TRAF3: variants seen among roughly 807,000 people sequenced by gnomAD.
The protein encoded by TRAF3 is TNF receptor-associated factor 3.
Under a neutral mutation model 62.3 loss-of-function variants are expected in TRAF3, and 13 were observed. That is an observed-to-expected ratio of 0.21 (90% CI 0.14 to 0.33). The LOEUF (loss-of-function observed/expected upper bound fraction) is 0.33. Ranked by LOEUF, TRAF3 falls within the 10% of genes least tolerant of loss-of-function variation. TRAF3 has a pLI of 1.00. For missense variants in TRAF3, 440 were observed against 741.8 expected, an observed-to-expected ratio of 0.59 and a Z score of 4.73; for synonymous variants, 269 against 283.4, an observed-to-expected ratio of 0.95 and a Z score of 0.51.
chr14:102,781,426 G>T (rs1300306991), intron 1 of TRAF3, among the ~76,000 whole-genome samples: 2 of 152,152 alleles, frequency 1.3e-5, no homozygotes, highest in South Asian at 2.1e-4. Context: ...AACCTGGGTG[G>T]CACCACTTTG....
chr14:102,842,010 T>G (rs1413263365), intron 2 of TRAF3, among the ~76,000 whole-genome samples: 1 of 152,048 alleles, frequency 6.6e-6, no homozygotes, highest in Admixed American at 6.6e-5. Flanking sequence ...TTTGGGAGGC[T>G]GAGGTGGGCA....
chr14:102,845,479 A>G (rs1042547147), intron 2 of TRAF3, among the ~76,000 whole-genome samples: 3 of 151,122 alleles, frequency 2.0e-5, no homozygotes, highest in Non-Finnish European at 2.9e-5. Context: ...CTGAGATTAC[A>G]GGCATGAGCA....
chr14:102,868,227 G>A (rs566510764), intron 2 of TRAF3, among the ~76,000 whole-genome samples: 4 of 152,340 alleles, frequency 2.6e-5, no homozygotes, highest in Admixed American at 1.3e-4. Flanking sequence ...GAGGCTTACC[G>A]TATCGTGAGA....
intron 9 of TRAF3, among the ~76,000 whole-genome samples, chr14:102,894,843 G>A (rs1889917512): frequency 6.6e-6 from 1 of 152,092 alleles, no homozygotes; most frequent in Admixed American, 6.6e-5. Flanking sequence ...GACTGTAGGC[G>A]TTTGCACCAC....
chr14:102,847,370 T>G (rs545615008), intron 2 of TRAF3, among the ~76,000 whole-genome samples: 7 of 152,244 alleles, frequency 4.6e-5, no homozygotes, highest in Non-Finnish European at 1.0e-4. Flanking sequence ...AGATGGCGTT[T>G]TACCATATTG....
chr14:102,801,035 G>A (rs1380480007), intron 1 of TRAF3, among the ~76,000 whole-genome samples: 3 of 152,068 alleles, frequency 2.0e-5, no homozygotes, highest in South Asian at 2.1e-4. Flanking sequence ...GCGCAGTGGC[G>A]GGCGCCTGTA....
At chr14:102,881,007 C>T (rs1304943731) in intron 6 of TRAF3, among the ~76,000 whole-genome samples, 6 of 152,096 alleles carry the variant, frequency 3.9e-5, no homozygotes, top group African/African-American at 7.2e-5. Context: ...GCAGGAGAAT[C>T]GCTTGAACTC....
At chr14:102,894,014 T>C (rs183302691) in intron 9 of TRAF3, among the ~76,000 whole-genome samples, 44 of 152,322 alleles carry the variant, frequency 2.9e-4, no homozygotes, top group African/African-American at 9.6e-4. Flanking sequence ...GAAAATAGAA[T>C]GTTTGAGCGG....
At chr14:102,890,879 T>C (rs1256719974) in intron 8 of TRAF3, among the ~76,000 whole-genome samples, 1 of 152,234 alleles carries the variant, frequency 6.6e-6, no homozygotes, top group Non-Finnish European at 1.5e-5. Context: ...CCTGCTTTGC[T>C]TACGTGTTTA....
chr14:102,908,860 GGT>G lies in TRAF3; in HGVS notation c.*3077_*3078del, dbSNP rs2140024694. The G allele has an allele frequency of 6.6e-6, 1 of 152,394 alleles. No individual in the cohort carries two copies. The allele number at this position is 152,394 out of a possible 1,614,324, so 9.4% of individuals were successfully genotyped here. On this transcript the variant is annotated 3_prime_UTR_variant, in exon 12 of 12. Transcript: ENST00000392745. ...GCTGCTCCCTGCTGCCAGGCACGCT[GGT>G]TGGCTGGCCTGGGCCCGGCTCACGT...
At chr14:102,788,445 T>C (rs1463179533) in intron 1 of TRAF3, among the ~76,000 whole-genome samples, 5 of 151,940 alleles carry the variant, frequency 3.3e-5, no homozygotes, top group African/African-American at 1.2e-4. Flanking sequence ...GAGGATCACT[T>C]GAGTCCAGTA....
At position 102,849,882 on chromosome 14, in the gene TRAF3, C is replaced by T. The variant is rs922512207; in HGVS notation, c.-18+19410C>T. Among the ~76,000 whole-genome samples the T allele has an allele frequency of 5.0e-4, 76 of 152,318 alleles. 1 individual carries two copies. The highest frequency in any genetic ancestry group is 1.6e-3 in the African/African-American group (66 of 41,572). ...TCTCCCTTTATTGGCATCACTTGGA[C>T]GATACCTTTAATTGCCCTGCTGGGC... On this transcript the variant is annotated intron_variant, in intron 2 of 11. Coordinates refer to ENST00000392745, the MANE Select transcript of TRAF3 (RefSeq NM_145725.3).
chr14:102,880,434 C>T (rs752389120), intron 6 of TRAF3, among the ~76,000 whole-genome samples: 56 of 152,060 alleles, frequency 3.7e-4, no homozygotes, highest in Non-Finnish European at 1.3e-4. Context: ...GTCAGAATGG[C>T]GATTATTAAA....
At chr14:102,819,960 G>A (rs1197587076) in intron 1 of TRAF3, among the ~76,000 whole-genome samples, 1 of 152,208 alleles carries the variant, frequency 6.6e-6, no homozygotes, top group African/African-American at 2.4e-5. Context: ...GTCTTAGTGA[G>A]CATCTGCTTG....
chr14:102,784,058 G>T (rs1307237684), intron 1 of TRAF3, among the ~76,000 whole-genome samples: 1 of 152,088 alleles, frequency 6.6e-6, no homozygotes, highest in African/African-American at 2.4e-5. Flanking sequence ...TCTAGTTGAG[G>T]TCTCTTATTT....
At chr14:102,789,177 T>C (rs1223302764) in intron 1 of TRAF3, among the ~76,000 whole-genome samples, 2 of 152,222 alleles carry the variant, frequency 1.3e-5, no homozygotes, top group African/African-American at 4.8e-5. Context: ...TACATCCAAA[T>C]TGTAGCATGT....
At chr14:102,797,307 G>C (rs1898146555) in intron 1 of TRAF3, among the ~76,000 whole-genome samples, 1 of 152,244 alleles carries the variant, frequency 6.6e-6, no homozygotes, top group Non-Finnish European at 1.5e-5. Flanking sequence ...ATTGGTCTGA[G>C]AGGCGTCTTC....
chr14:102,899,759 T>C lies in TRAF3; in HGVS notation c.960+2358T>C, dbSNP rs184523678. Among the ~76,000 whole-genome samples, 153 of 152,302 alleles carry C rather than the reference T, an allele frequency of 1.0e-3. 2 individuals carry two copies. In the Middle Eastern group the frequency reaches 0.024, roughly 24 times the overall value. The stretch of plus-strand genomic sequence containing the variant: ...AGCACAGAGGGCCCGATGGCCTGGC[T>C]GTGGCAGTGGGGGTGCAGGCAGGGG... On this transcript the variant is annotated intron_variant, in intron 10 of 11. Transcript: ENST00000392745.
chr14:102,889,481 A>G, intron 7 of TRAF3, 79 bp from the exon 8 acceptor site: 3 of 1,404,088 alleles, frequency 2.1e-6, no homozygotes, highest in South Asian at 1.2e-5. Context: ...TACAGCTCAG[A>G]TGCTATCTGT....
Sources: gnomAD v4.1 joint callset for allele counts (sites outside exome capture counted in the v4.1 genomes callset) on GRCh38, gnomAD v4.1.1 for gene constraint, MANE v1.5 for transcripts, NCBI Gene and HGNC (gene_info 2026-07-23, HGNC 2026-07-21) for gene names.